Variants in ZNF18 observed in about 807,000 individuals in gnomAD.
The protein encoded by ZNF18 is zinc finger protein 18.
ZNF18 carries 42 observed loss-of-function variants against 58.1 expected under a neutral mutation model. The ratio of observed to expected loss-of-function variants is 0.72; its 90% CI spans 0.56 to 0.93. The LOEUF is 0.93. Ranked by LOEUF, ZNF18 falls within the 40% of genes least tolerant of loss-of-function variation. The pLI is 0.00. For missense variants in ZNF18, 540 were observed against 644.2 expected, an observed-to-expected ratio of 0.84 and a Z score of 1.75; for synonymous variants, 231 against 239.8, an observed-to-expected ratio of 0.96 and a Z score of 0.34.
chr17:11,987,690 A>G (rs890818502), intron 4 of ZNF18, among the ~76,000 whole-genome samples: 7 of 152,226 alleles, frequency 4.6e-5, no homozygotes, highest in Admixed American at 4.6e-4. Flanking sequence ...AGAAACAACA[A>G]TAATCCTCCA....
At chr17:12,015,739 G>A in the ZNF18 span, among the ~76,000 whole-genome samples, 15 of 151,738 alleles carry the variant, frequency 9.9e-5, no homozygotes, top group South Asian at 3.1e-3. Context: ...TCAGCATTAT[G>A]TCCTGTTAAA....
At chr17:12,020,720 G>A in the ZNF18 span, 1 of 369,640 alleles carries the variant, frequency 2.7e-6, no homozygotes, top group Admixed American at 4.7e-5. Flanking sequence ...CTCAGCATCT[G>A]GCCCGGGCTG....
rs753265712 is a variant in ZNF18 at position 11,977,956 on chromosome 17, G to A, written c.*1C>T. The A allele has an allele frequency of 1.3e-6, 2 of 1,552,508 alleles. No homozygotes were observed. Among genetic ancestry groups the A allele is most frequent in the Admixed American group, 4.0e-5 (2 of 49,812 alleles). On this transcript the variant is annotated 3_prime_UTR_variant, in exon 7 of 7. Coordinates refer to ENST00000580306, the MANE Select transcript of ZNF18 (RefSeq NM_001303281.2). ...ATGGGGAAAGAGAGTTTGGTTACTG[G>A]CTATTGAAAGGGCTTCTTTCCTAAG...
At chr17:12,020,998 C>A in the ZNF18 span, 1 of 1,209,700 alleles carries the variant, frequency 8.3e-7, no homozygotes, top group African/African-American at 1.6e-5. Context: ...CAGCAGCATG[C>A]AGGGTAAGGA....
chr17:11,992,464 G>A lies in ZNF18; in HGVS notation c.366C>T (p.Asp122=). 6.2e-7 allele frequency: 1 copy of A among 1,614,024 alleles called. No homozygotes were observed. Among genetic ancestry groups the A allele is most frequent in the Non-Finnish European group, 8.5e-7 (1 of 1,179,960 alleles). ...TTACCCATTGCCACAGTCTCTGGGG[G>A]TCCCCCTTCAAGCTTTCCACAAGGG... ...AVTLVESLKG[D]PQRLWQWISI... The change falls in exon 2 of 7, where the codon GAC becomes GAT. Residue 122 remains aspartate, a synonymous_variant. Transcript: ENST00000580306.
chr17:11,985,448 T>G (rs1967673119), intron 4 of ZNF18, among the ~76,000 whole-genome samples: 1 of 152,232 alleles, frequency 6.6e-6, no homozygotes, highest in African/African-American at 2.4e-5. Context: ...ATGATGGCAC[T>G]GAACTCAAAA....
At chr17:12,006,535 G>A in the ZNF18 span, among the ~76,000 whole-genome samples, 9 of 152,256 alleles carry the variant, frequency 5.9e-5, no homozygotes, top group South Asian at 2.1e-4. Context: ...TATGTATCAC[G>A]TGTTTTAGGA....
chr17:11,991,357 C>T (rs771301121), intron 2 of ZNF18, among the ~76,000 whole-genome samples, 194 bp from the exon 3 acceptor site: 1 of 152,194 alleles, frequency 6.6e-6, no homozygotes, highest in Non-Finnish European at 1.5e-5. Flanking sequence ...AGCTGAGGCC[C>T]GAATCAGGCG....
the ZNF18 span, among the ~76,000 whole-genome samples, chr17:12,009,677 C>T: frequency 6.6e-6 from 1 of 151,806 alleles, no homozygotes; most frequent in African/African-American, 2.4e-5. Flanking sequence ...GGTGTCGAAC[C>T]CCTGACCTTA....
chr17:11,995,269 C>CATG (rs1555537048), intron 1 of ZNF18, among the ~76,000 whole-genome samples: 3 of 150,790 alleles, frequency 2.0e-5, no homozygotes, highest in East Asian at 3.9e-4. Flanking sequence ...ATTAACCGGG[C>CATG]GTGGTGGTGA....
At chr17:12,020,963 C>A in the ZNF18 span, 5 of 1,212,624 alleles carry the variant, frequency 4.1e-6, no homozygotes, top group African/African-American at 7.9e-5. Flanking sequence ...CCCGTAGGGT[C>A]CCCGGCGCCA....
intron 4 of ZNF18, among the ~76,000 whole-genome samples, chr17:11,985,200 C>T (rs938546007): frequency 1.3e-5 from 2 of 152,192 alleles, no homozygotes; most frequent in Non-Finnish European, 1.5e-5. Context: ...TCCTATGAAA[C>T]GACAGACTGG....
intron 5 of ZNF18, 83 bp downstream of exon 5, chr17:11,984,030 G>C: frequency 7.9e-7 from 1 of 1,272,106 alleles, no homozygotes; most frequent in Non-Finnish European, 1.1e-6. Context: ...CAGTTCAGCA[G>C]ATGTCTCTAT....
In ZNF18 at chr17:11,983,314, G is replaced by A; in HGVS notation, c.845C>T (p.Pro282Leu). 1 of 1,613,220 alleles carries A rather than the reference G, an allele frequency of 6.2e-7. No homozygotes were observed. The highest frequency in any genetic ancestry group is 8.5e-7 in the Non-Finnish European group (1 of 1,179,256). The change falls in exon 6 of 7, where the codon CCA (proline) becomes CTA (leucine). Residue 282 changes from proline to leucine, a missense_variant. Coordinates refer to ENST00000580306, the MANE Select transcript of ZNF18 (RefSeq NM_001303281.2). The stretch of plus-strand genomic sequence containing the variant: ...TTACTCACCTATGCAGGTGGGTCTT[G>A]GGATCTTCTCATTGACATGAAGGTA... ...GIYLHVNEKIPRPTCIGDRQE... is the reference protein window; with the variant it reads ...GIYLHVNEKILRPTCIGDRQE...
chr17:12,006,185 C>T, the ZNF18 span, among the ~76,000 whole-genome samples: 1 of 152,126 alleles, frequency 6.6e-6, no homozygotes, highest in Non-Finnish European at 1.5e-5. Context: ...AGGACACAAA[C>T]AGATGTTAGT....
chr17:12,015,774 TAG>T, the ZNF18 span, among the ~76,000 whole-genome samples: 1 of 152,154 alleles, frequency 6.6e-6, no homozygotes, highest in African/African-American at 2.4e-5. Context: ...TATAATTAGC[TAG>T]AGTTTTATAT....
the ZNF18 span, chr17:12,020,795 G>T: frequency 2.1e-5 from 11 of 532,166 alleles, no homozygotes; most frequent in Middle Eastern, 5.5e-4. Flanking sequence ...GCGGGGCCAA[G>T]GCGGGGGTAA....
In ZNF18 at chr17:11,977,946, T is replaced by C. The variant is rs1384440695; in HGVS notation, c.*11A>G. The stretch of plus-strand genomic sequence containing the variant: ...GGAGATAGAAATGGGGAAAGAGAGT[T>C]TGGTTACTGGCTATTGAAAGGGCTT... On this transcript the variant is annotated 3_prime_UTR_variant, in exon 7 of 7. Coordinates refer to ENST00000580306, the MANE Select transcript of ZNF18 (RefSeq NM_001303281.2). 4 of 1,541,120 alleles carry C rather than the reference T, an allele frequency of 2.6e-6. No homozygotes were observed. Among genetic ancestry groups the C allele is most frequent in the Admixed American group, 4.2e-5 (2 of 47,760 alleles).
the ZNF18 span, among the ~76,000 whole-genome samples, chr17:12,004,887 C>CAA: frequency 5.0e-4 from 28 of 56,126 alleles, no homozygotes; most frequent in Admixed American, 1.3e-3. Context: ...AACTCCATCT[C>CAA]AAAAAAAAAA....
Sources: allele counts gnomAD v4.1 joint callset (sites outside exome capture counted in the v4.1 genomes callset), GRCh38; gene constraint gnomAD v4.1.1; transcripts MANE v1.5; gene names NCBI Gene and HGNC (gene_info 2026-07-23, HGNC 2026-07-21).